GAK: variants seen among roughly 807,000 people sequenced by gnomAD.
GAK encodes cyclin-G-associated kinase.
In GAK, 79 loss-of-function variants were observed where a neutral mutation model predicts 143.9. That is an observed-to-expected ratio of 0.55 (90% confidence interval 0.46 to 0.66). The LOEUF (loss-of-function observed/expected upper bound fraction) is 0.66. Ranked by LOEUF, GAK falls within the 30% of genes least tolerant of loss-of-function variation. GAK has a pLI of 0.00. For synonymous variants in GAK, 881 were observed against 765.5 expected, an observed-to-expected ratio of 1.15 and a Z score of -2.49; for missense variants, 1,693 against 1,779.7, an observed-to-expected ratio of 0.95 and a Z score of 0.88.
intron 12 of GAK, among the ~76,000 whole-genome samples, chr4:883,760 A>C (rs1715654949): frequency 6.6e-6 from 1 of 152,208 alleles, no homozygotes; most frequent in South Asian, 2.1e-4. Context: ...TGGTGCACAG[A>C]GGCCCTGGTT....
At chr4:921,575 A>G (rs1723933755) in intron 1 of GAK, among the ~76,000 whole-genome samples, 1 of 152,216 alleles carries the variant, frequency 6.6e-6, no homozygotes, top group Non-Finnish European at 1.5e-5. Flanking sequence ...ACAAATCTTC[A>G]AGATAAAGAG....
At chr4:850,185 C>CCA in intron 26 of GAK, 117 bp from the exon 27 acceptor site, 2 of 1,021,130 alleles carry the variant, frequency 2.0e-6, no homozygotes, top group Non-Finnish European at 2.8e-6. Context: ...TGGGCTCAGC[C>CCA]CGGCTCACAG....
intron 1 of GAK, among the ~76,000 whole-genome samples, chr4:920,502 C>T (rs1225381554): frequency 1.3e-5 from 2 of 149,174 alleles, no homozygotes; most frequent in Non-Finnish European, 3.0e-5. Context: ...AATATTGCGA[C>T]ATTATTCTAC....
chr4:925,314 C>T (rs1339875221), intron 1 of GAK, among the ~76,000 whole-genome samples: 1 of 152,128 alleles, frequency 6.6e-6, no homozygotes, highest in Non-Finnish European at 1.5e-5. Flanking sequence ...GCAACCTTCC[C>T]CCACACAGCC....
chr4:850,128 C>G, intron 26 of GAK, 60 bp from the exon 27 acceptor site: 3 of 1,464,222 alleles, frequency 2.0e-6, no homozygotes, highest in East Asian at 5.0e-5. Context: ...TCCTCTGCAC[C>G]GCGGAAACTG....
intron 1 of GAK, among the ~76,000 whole-genome samples, chr4:924,277 T>C (rs2152971939): frequency 6.6e-6 from 1 of 151,566 alleles, no homozygotes; most frequent in East Asian, 1.9e-4. Context: ...AGAATGGATG[T>C]AATCAAAATG....
intron 5 of GAK, among the ~76,000 whole-genome samples, chr4:900,515 G>A (rs963978776): frequency 2.5e-4 from 38 of 151,948 alleles, no homozygotes; most frequent in African/African-American, 6.5e-4. Context: ...CTCAAGCCCC[G>A]CTACACGACC....
At chr4:904,921 G>A in intron 4 of GAK, 142 bp from the exon 5 acceptor site, 5 of 785,430 alleles carry the variant, frequency 6.4e-6, no homozygotes, top group Non-Finnish European at 1.0e-5. Context: ...AACGACCAGA[G>A]GTGACTCCCT....
At chr4:880,938 A>G (rs879805714) in intron 15 of GAK, among the ~76,000 whole-genome samples, 4 of 152,184 alleles carry the variant, frequency 2.6e-5, no homozygotes, top group Admixed American at 6.5e-5. Context: ...GGGGGTGCCA[A>G]TGGCTTTCAG....
At position 867,452 on chromosome 4, in the gene GAK, C is replaced by T. The variant is rs1751412124; in HGVS notation, c.2396-20G>A. The T allele has an allele frequency of 2.0e-6, 3 of 1,510,162 alleles. No homozygotes were observed. The highest frequency in any genetic ancestry group is 2.7e-6 in the Non-Finnish European group (3 of 1,124,850). 93.5% of individuals were successfully genotyped at this position (1,510,162 alleles called of 1,614,324 possible). A position where few individuals can be genotyped will look rare whatever the true frequency, so the allele number is the denominator to read the frequency against. ...TCTCTTCTGCGAAAAGGAAACAAAA[C>T]CACAGGCTAGTGAGACCACACGGCC... On this transcript the variant is annotated intron_variant, in intron 20 of 27. Transcript: ENST00000314167.
intron 5 of GAK, among the ~76,000 whole-genome samples, chr4:898,795 G>A (rs765825115): frequency 2.3e-4 from 35 of 152,154 alleles, no homozygotes; most frequent in Non-Finnish European, 3.4e-4. Flanking sequence ...CTTGGGAGGC[G>A]GAGGCTGCAG....
At chr4:893,328 C>A in intron 9 of GAK, 49 bp downstream of exon 9, 5 of 1,333,332 alleles carry the variant, frequency 3.8e-6, no homozygotes, top group Non-Finnish European at 4.1e-6. Context: ...CTCATGTGTG[C>A]CTCCTTCACC....
At chr4:919,019 T>A (rs35907294) in intron 1 of GAK, among the ~76,000 whole-genome samples, 2 of 75,242 alleles carry the variant, frequency 2.7e-5, no homozygotes, top group African/African-American at 1.0e-4. Flanking sequence ...AAGGCCTCAG[T>A]GCCGCATGAC....
At chr4:883,223 C>T (rs1337500496) in intron 13 of GAK, 92 bp downstream of exon 13, 10 of 1,484,840 alleles carry the variant, frequency 6.7e-6, no homozygotes, top group East Asian at 2.3e-5. Flanking sequence ...CCCATCACAG[C>T]CCCACCCTGG....
chr4:867,344 C>T lies in GAK; in HGVS notation c.2484G>A (p.Val828=). Residue 828 remains valine (V), a synonymous_variant, in exon 21 of 28, where the codon GTG becomes GTA. Coordinates refer to ENST00000314167, the MANE Select transcript of GAK (RefSeq NM_005255.4). ...AGATCGGGGATCCCCCTTCATCTGA[C>T]ACCTCACTCTCGTCTCTGTCCTCCA... ...ALMEDRDESE[V]SDEGGSPISS... 2 of 1,607,370 alleles carry T rather than the reference C, an allele frequency of 1.2e-6. No homozygotes were observed. The highest frequency in any genetic ancestry group is 1.7e-6 in the Non-Finnish European group (2 of 1,175,634).
Position 904,728 on chromosome 4 carries a change from C to T in GAK, c.434G>A (p.Cys145Tyr), listed in dbSNP as rs976384041. 8 of 1,614,028 alleles carry T rather than the reference C, an allele frequency of 5.0e-6. No homozygotes were observed. The highest frequency in any genetic ancestry group is 5.9e-6 in the Non-Finnish European group (7 of 1,179,988). The change falls in exon 5 of 28, where the codon TGC becomes TAC. Residue 145 changes from cysteine to tyrosine, a missense_variant. Coordinates refer to ENST00000314167, the MANE Select transcript of GAK (RefSeq NM_005255.4). The stretch of plus-strand genomic sequence containing the variant: ...GTAGAAGATCTTCAGAACCGTGTCG[C>T]ACGAAAGGGGGCCTCGAGATTCCAT... ...KKMESRGPLS[C>Y]DTVLKIFYQT... is the part of the protein sequence containing the mutation.
intron 24 of GAK, among the ~76,000 whole-genome samples, chr4:854,355 G>A (rs1384024639): frequency 1.3e-5 from 2 of 152,156 alleles, no homozygotes; most frequent in African/African-American, 2.4e-5. Context: ...TAGGTGGTTT[G>A]GAAATATCTT....
chr4:905,162 G>A (rs980992658), intron 4 of GAK, among the ~76,000 whole-genome samples: 1 of 152,184 alleles, frequency 6.6e-6, no homozygotes, highest in Non-Finnish European at 1.5e-5. Context: ...CCTCTAGGGG[G>A]TATTTGGACC....
chr4:859,906 T>A (rs1749973571), intron 23 of GAK, among the ~76,000 whole-genome samples, 184 bp from the exon 24 acceptor site: 1 of 152,160 alleles, frequency 6.6e-6, no homozygotes, highest in Non-Finnish European at 1.5e-5. Context: ...GCTGCCTCCA[T>A]GCCCCATGCT....
Sources: allele counts gnomAD v4.1 joint callset (sites outside exome capture counted in the v4.1 genomes callset), GRCh38; gene constraint gnomAD v4.1.1; transcripts MANE v1.5; gene names NCBI Gene and HGNC (gene_info 2026-07-23, HGNC 2026-07-21).